The following VPS13A variants were observed in gnomAD, a reference collection of about 807,000 sequenced individuals.
VPS13A encodes vacuolar protein sorting 13 homolog A.
A neutral mutation model predicts 390.9 loss-of-function variants in VPS13A; 264 were observed. That is an observed-to-expected ratio of 0.68 (90% CI 0.61 to 0.75). The LOEUF is 0.75. VPS13A is among the 30% of genes least tolerant of loss of function. The pLI, the probability that VPS13A is intolerant of heterozygous loss-of-function variation, is 0.00. For missense variants in VPS13A, 3,409 were observed against 3,733.9 expected (o/e 0.91, Z 2.27); for synonymous variants, 1,231 against 1,227.1 (o/e 1.00, Z -0.07).
intron 13 of VPS13A, among the ~76,000 whole-genome samples, chr9:77,225,425 A>G (rs1028987683): frequency 3.3e-5 from 5 of 151,936 alleles, no homozygotes; most frequent in Admixed American, 1.3e-4. Flanking sequence ...TAATTTGTAT[A>G]TGTTTTGTAG....
chr9:77,371,772 G>A (rs1346825190), intron 67 of VPS13A, among the ~76,000 whole-genome samples: 50 of 145,446 alleles, frequency 3.4e-4, no homozygotes, highest in African/African-American at 1.2e-3. Flanking sequence ...TCGTCATCTA[G>A]CATTAGGTAT....
At chr9:77,214,257 CAG>C (rs762293769) in intron 9 of VPS13A, 70 bp from the exon 10 acceptor site, 679 of 1,338,952 alleles carry the variant, frequency 5.1e-4, no homozygotes, top group Non-Finnish European at 6.5e-4. Flanking sequence ...GCCTGGGTGA[CAG>C]GGGGAGACTC....
chr9:77,371,215 C>T (rs1832730743), intron 67 of VPS13A, 66 bp downstream of exon 67: 6 of 1,604,184 alleles, frequency 3.7e-6, no homozygotes, highest in Middle Eastern at 3.4e-4. Flanking sequence ...AATTTATCTG[C>T]TCTTTGGCTT....
chr9:77,345,254 G>A (rs2131524432), intron 52 of VPS13A, 112 bp downstream of exon 52: 1 of 1,139,098 alleles, frequency 8.8e-7, no homozygotes, highest in Non-Finnish European at 1.3e-6. Context: ...CATTGTAGCT[G>A]TGTAAAACAG....
At chr9:77,230,388 T>C (rs1425191636) in intron 17 of VPS13A, among the ~76,000 whole-genome samples, 3 of 152,110 alleles carry the variant, frequency 2.0e-5, no homozygotes, top group African/African-American at 7.2e-5. Context: ...AGAATCCATT[T>C]TGAGTTAATG....
chr9:77,369,264 A>T (rs773253468), intron 62 of VPS13A, 35 bp from the exon 63 acceptor site: 1 of 1,473,416 alleles, frequency 6.8e-7, no homozygotes, highest in East Asian at 2.3e-5. Context: ...AGATCTAATT[A>T]TCTGAATTGA....
At chr9:77,302,765 A>T in intron 33 of VPS13A, 150 bp from the exon 34 acceptor site, 1 of 819,930 alleles carries the variant, frequency 1.2e-6, no homozygotes, top group Non-Finnish European at 1.9e-6. Flanking sequence ...TTGACAGATA[A>T]AAAAAAAGTC....
chr9:77,269,108 G>A (rs1826210046), intron 23 of VPS13A, among the ~76,000 whole-genome samples: 1 of 152,048 alleles, frequency 6.6e-6, no homozygotes, highest in South Asian at 2.1e-4. Context: ...ATTTTCTCTA[G>A]ATATTGAGCT....
At position 77,252,775 on chromosome 9, in the gene VPS13A, G is replaced by T. The variant is rs544060280; in HGVS notation, c.2288+423G>T. Among the ~76,000 whole-genome samples, 28 of 152,252 alleles carry T rather than the reference G, an allele frequency of 1.8e-4. 1 individual carries two copies. The South Asian group carries it at 5.0e-3, about 27-fold the overall frequency. On this transcript the variant is annotated intron_variant, in intron 22 of 71. Transcript: ENST00000360280. ...TTGTGTGCCTGGGTTTCTTCACTTA[G>T]CATAATGTCTTCAAGATTCATCCAT...
intron 20 of VPS13A, among the ~76,000 whole-genome samples, chr9:77,247,754 A>G (rs1288700642): frequency 1.3e-5 from 2 of 152,110 alleles, no homozygotes; most frequent in Non-Finnish European, 2.9e-5. Flanking sequence ...TCTGCCTCCT[A>G]GGTTCAAGTG....
At chr9:77,399,173 A>T (rs1587719404) in intron 68 of VPS13A, among the ~76,000 whole-genome samples, 15 of 86,294 alleles carry the variant, frequency 1.7e-4, no homozygotes, top group East Asian at 5.4e-4. Context: ...ATAATAAAAA[A>T]AAAAAAATAA....
At chr9:77,390,949 G>T (rs1215677750) in intron 68 of VPS13A, among the ~76,000 whole-genome samples, 1 of 152,052 alleles carries the variant, frequency 6.6e-6, no homozygotes, top group Non-Finnish European at 1.5e-5. Flanking sequence ...ATTAAGAAAG[G>T]ATAAATGCTA....
intron 33 of VPS13A, among the ~76,000 whole-genome samples, chr9:77,300,481 C>T (rs1828278488): frequency 6.6e-6 from 1 of 152,152 alleles, no homozygotes; most frequent in Non-Finnish European, 1.5e-5. Context: ...CCTGTAAACC[C>T]AGCACTTTGG....
At chr9:77,247,134 A>G (rs1486585043) in intron 19 of VPS13A, 125 bp from the exon 20 acceptor site, 3 of 783,234 alleles carry the variant, frequency 3.8e-6, no homozygotes, top group Middle Eastern at 4.1e-4. Context: ...TATTTTGCTG[A>G]GGTCATTTTA....
chr9:77,218,763 G>GAATCATCTTTGGC (rs1472593047), intron 10 of VPS13A, among the ~76,000 whole-genome samples: 1 of 150,056 alleles, frequency 6.7e-6, no homozygotes, highest in East Asian at 2.0e-4. Flanking sequence ...AAAAGTGTAT[G>GAATCATCTTTGGC]AATCATCTTT....
chr9:77,370,135 A>T, intron 63 of VPS13A, 122 bp from the exon 64 acceptor site: 1 of 1,072,394 alleles, frequency 9.3e-7, no homozygotes, highest in African/African-American at 1.6e-5. Context: ...TGCTGATATT[A>T]CTTCCTCTGG....
rs533344634 is a variant in VPS13A at position 77,186,499 on chromosome 9, G to A, written c.100+8695G>A. 1.3e-4 allele frequency among the ~76,000 whole-genome samples: 19 copies of A among 151,964 alleles called. No individual in the cohort carries two copies. In the East Asian group the frequency reaches 1.7e-3, roughly 14 times the overall value. ...GTTGCCCAGCCTGGAGTGCAGTGGC[G>A]CAGTCTCTGCTTACTGCAACCTCTG... is the stretch of plus-strand genomic sequence containing the variant. On this transcript the variant is annotated intron_variant, in intron 1 of 71. Coordinates refer to ENST00000360280, the MANE Select transcript of VPS13A (RefSeq NM_033305.3).
chr9:77,301,198 A>AT (rs1828331166), intron 33 of VPS13A, among the ~76,000 whole-genome samples: 1 of 152,212 alleles, frequency 6.6e-6, no homozygotes, highest in African/African-American at 2.4e-5. Context: ...GAAGATATAG[A>AT]TATAGATATA....
In VPS13A at chr9:77,207,213, TTATATATATATA is replaced by T. The variant is rs61703004; in HGVS notation, c.385+1163_385+1174del. 0.012 allele frequency among the ~76,000 whole-genome samples: 535 copies of T among 43,120 alleles called. 57 individuals carry two copies. In the East Asian group the frequency reaches 0.25, roughly 20 times the overall value. 28.3% of individuals were successfully genotyped at this position (43,120 alleles called of 152,430 possible). A position where few individuals can be genotyped will look rare whatever the true frequency, so the allele number is the denominator to read the frequency against. ...CTCTGTGTCTTGATTTATTTAGATA[TTATATATATATA>T]TATATATATATATATATATATATAT... is the stretch of plus-strand genomic sequence containing the variant. On this transcript the variant is annotated intron_variant, in intron 5 of 71. Coordinates refer to ENST00000360280, the MANE Select transcript of VPS13A (RefSeq NM_033305.3).
Sources: gnomAD v4.1 joint callset for allele counts (sites outside exome capture counted in the v4.1 genomes callset) on GRCh38, gnomAD v4.1.1 for gene constraint, MANE v1.5 for transcripts, NCBI Gene and HGNC (gene_info 2026-07-23, HGNC 2026-07-21) for gene names.